Variants in TCF4 observed in about 807,000 individuals in gnomAD.
TCF4 encodes the protein transcription factor 4, also known as SL3-3 enhancer factor 2.
TCF4 carries 3 observed loss-of-function variants against 82.1 expected under a neutral mutation model. That is an observed-to-expected ratio of 0.04 (90% CI 0.02 to 0.09). The LOEUF is 0.09. Among genes scored for constraint, TCF4 ranks in the 10% least tolerant of loss-of-function variants. The pLI is 1.00. For missense variants in TCF4, 518 were observed against 852.7 expected, an observed-to-expected ratio of 0.61 and a Z score of 4.89; for synonymous variants, 276 against 309.6, an observed-to-expected ratio of 0.89 and a Z score of 1.14.
chr18:55,234,132 C>T (rs1441576584), intron 16 of TCF4, among the ~76,000 whole-genome samples: 1 of 152,166 alleles, frequency 6.6e-6, no homozygotes, highest in Non-Finnish European at 1.5e-5. Context: ...TGCAACCAAG[C>T]TCCATTTTTT....
At chr18:55,604,786 T>G (rs1256739043) in intron 2 of TCF4, among the ~76,000 whole-genome samples, 2 of 152,186 alleles carry the variant, frequency 1.3e-5, no homozygotes, top group Non-Finnish European at 2.9e-5. Flanking sequence ...TGGTCATTGG[T>G]AATGGCTACT....
At chr18:55,262,042 CA>C (rs1324860962) in intron 11 of TCF4, among the ~76,000 whole-genome samples, 2 of 152,124 alleles carry the variant, frequency 1.3e-5, no homozygotes, top group East Asian at 3.8e-4. Flanking sequence ...GTCTGGCTAA[CA>C]AGGAGAGAAA....
intron 3 of TCF4, among the ~76,000 whole-genome samples, chr18:55,480,051 T>C (rs1015594473): frequency 1.3e-5 from 2 of 152,020 alleles, no homozygotes; most frequent in African/African-American, 4.8e-5. Flanking sequence ...CTCAAGAAAA[T>C]AGACACAAGA....
chr18:55,289,056 G>A (rs562403962), intron 8 of TCF4, among the ~76,000 whole-genome samples: 2 of 152,276 alleles, frequency 1.3e-5, no homozygotes, highest in South Asian at 2.1e-4. Flanking sequence ...TACTTTCAAC[G>A]TGGTGTATCA....
chr18:55,389,080 C>G (rs1463185311), intron 6 of TCF4, among the ~76,000 whole-genome samples: 1 of 150,798 alleles, frequency 6.6e-6, no homozygotes, highest in Non-Finnish European at 1.5e-5. Context: ...GAGCCGAGAT[C>G]ACACCACTGC....
chr18:55,523,710 T>C (rs1244638014), intron 3 of TCF4, among the ~76,000 whole-genome samples: 1 of 151,984 alleles, frequency 6.6e-6, no homozygotes, highest in Non-Finnish European at 1.5e-5. Context: ...CAATCGACTG[T>C]TACAGTACTG....
At chr18:55,506,974 T>C (rs1473065939) in intron 3 of TCF4, among the ~76,000 whole-genome samples, 3 of 152,026 alleles carry the variant, frequency 2.0e-5, no homozygotes, top group African/African-American at 7.2e-5. Flanking sequence ...GCAATTCTCC[T>C]GCCTCAGCCT....
chr18:55,373,815 A>AAAT (rs369920666), intron 6 of TCF4, among the ~76,000 whole-genome samples: 4,707 of 151,878 alleles, frequency 0.031, 82 homozygotes, highest in Middle Eastern at 0.058. Flanking sequence ...TCCATCTCAA[A>AAAT]AATAATAATA....
At chr18:55,247,865 T>C (rs1313403635) in intron 15 of TCF4, among the ~76,000 whole-genome samples, 1 of 152,128 alleles carries the variant, frequency 6.6e-6, no homozygotes, top group African/African-American at 2.4e-5. Context: ...GGCAGAAACA[T>C]AAGGACTGTA....
chr18:55,627,831 C>T (rs562320670), intron 2 of TCF4, among the ~76,000 whole-genome samples: 103 of 152,016 alleles, frequency 6.8e-4, no homozygotes, highest in Middle Eastern at 3.4e-3. Context: ...GAGGCCGAGG[C>T]GGGCGGATCA....
intron 5 of TCF4, among the ~76,000 whole-genome samples, chr18:55,432,298 G>C (rs141312072): frequency 6.6e-6 from 1 of 152,074 alleles, no homozygotes. Context: ...GTGAGACTCT[G>C]TCTCAAAAAT....
At chr18:55,347,305 G>A (rs749009871) in intron 8 of TCF4, among the ~76,000 whole-genome samples, 20 of 151,982 alleles carry the variant, frequency 1.3e-4, no homozygotes, top group South Asian at 4.2e-4. Flanking sequence ...GCTCTCGTGG[G>A]CAATTAGATA....
chr18:55,430,573 C>T (rs1405166866), intron 5 of TCF4, among the ~76,000 whole-genome samples: 3 of 152,096 alleles, frequency 2.0e-5, no homozygotes, highest in Non-Finnish European at 4.4e-5. Context: ...AGGAATCAAA[C>T]CCTACTGGGA....
chr18:55,589,739 T>C (rs760615810), upstream of TCF4: 234 of 1,020,860 alleles, frequency 2.3e-4, no homozygotes, highest in Non-Finnish European at 2.6e-4. Context: ...TGGAGTCACA[T>C]TGATAATAAT....
chr18:55,294,217 G>A (rs578146468), intron 8 of TCF4, among the ~76,000 whole-genome samples: 71 of 150,742 alleles, frequency 4.7e-4, no homozygotes, highest in Non-Finnish European at 8.9e-4. Flanking sequence ...CCGTGATCGC[G>A]CCACTGCACT....
At chr18:55,470,396 T>G (rs565288662) in intron 3 of TCF4, among the ~76,000 whole-genome samples, 2 of 152,314 alleles carry the variant, frequency 1.3e-5, no homozygotes, top group East Asian at 3.9e-4. Flanking sequence ...AATCCTACCT[T>G]CTCCGTGACC....
Position 55,633,894 on chromosome 18 carries a change from AAACAACAACAAC to A in TCF4, c.195+1797_195+1808del, listed in dbSNP as rs71169310. ...ACCAAACCAAAACAAAAAAGGCACA[AAACAACAACAAC>A]AACAACAACAACAACAACAACGAAG... On this transcript the variant is annotated intron_variant, in intron 1 of 20. Transcript: ENST00000398339. This position sits in a 1 kb window ranked among gnomAD's most constrained non-coding sequence, Gnocchi z 4.0. 7.3e-5 allele frequency among the ~76,000 whole-genome samples: 11 copies of A among 150,572 alleles called. No homozygotes were observed. The highest frequency in any genetic ancestry group is 2.1e-4 in the South Asian group (1 of 4,750).
intron 1 of TCF4, among the ~76,000 whole-genome samples, chr18:55,631,953 G>A (rs1603625760): frequency 6.6e-6 from 1 of 152,142 alleles, no homozygotes; most frequent in Non-Finnish European, 1.5e-5. Context: ...TAACCCTAGT[G>A]GGGTAGCATC....
At chr18:55,487,838 T>C (rs1236725059) in intron 3 of TCF4, among the ~76,000 whole-genome samples, 2 of 152,016 alleles carry the variant, frequency 1.3e-5, no homozygotes, top group African/African-American at 2.4e-5. Context: ...CTACCTGATA[T>C]ATAGTTTATT....
Sources: gnomAD v4.1 joint callset for allele counts (sites outside exome capture counted in the v4.1 genomes callset) on GRCh38, gnomAD v4.1.1 for gene constraint, Gnocchi (gnomAD v3.1) non-coding constraint, MANE v1.5 for transcripts, NCBI Gene and HGNC (gene_info 2026-07-23, HGNC 2026-07-21) for gene names.